RGS6: variants seen among roughly 807,000 people sequenced by gnomAD.
RGS6 encodes regulator of G protein signaling 6, also known as regulator of G-protein signaling 6.
RGS6 carries 30 observed loss-of-function variants against 78.5 expected under a neutral mutation model. That is an observed-to-expected ratio of 0.38 (90% confidence interval 0.29 to 0.52). The LOEUF (loss-of-function observed/expected upper bound fraction) is 0.52, where lower values mean the gene tolerates loss of function less well. Among genes scored for constraint, RGS6 ranks in the 20% least tolerant of loss-of-function variants. RGS6 has a pLI of 0.85. For synonymous variants in RGS6, 206 were observed against 206.0 expected, an observed-to-expected ratio of 1.00 and a Z score of 0.00; for missense variants, 495 against 609.7, an observed-to-expected ratio of 0.81 and a Z score of 1.98.
At chr14:72,606,766 T>C in the RGS6 span, among the ~76,000 whole-genome samples, 1,228 of 152,292 alleles carry the variant, frequency 8.1e-3, 13 homozygotes, top group Non-Finnish European at 0.014. Context: ...GGATCCCTCA[T>C]GAACAGCTTT....
chr14:72,026,904 G>T (rs920688945), intron 2 of RGS6, among the ~76,000 whole-genome samples: 1 of 152,176 alleles, frequency 6.6e-6, no homozygotes, highest in African/African-American at 2.4e-5. Flanking sequence ...GCTAGGGGGG[G>T]CTACTTTGGA....
chr14:71,974,073 G>T (rs893449899), intron 2 of RGS6, among the ~76,000 whole-genome samples: 1 of 152,060 alleles, frequency 6.6e-6, no homozygotes, highest in African/African-American at 2.4e-5. Context: ...TTCATTTCAA[G>T]GAGTCTAAGA....
intron 2 of RGS6, among the ~76,000 whole-genome samples, chr14:72,088,982 A>G (rs1834891386): frequency 6.6e-6 from 1 of 152,202 alleles, no homozygotes; most frequent in Non-Finnish European, 1.5e-5. Flanking sequence ...TGGCCACCCA[A>G]TCTAAAGTAG....
At chr14:72,498,380 T>G (rs2096672858) in intron 13 of RGS6, among the ~76,000 whole-genome samples, 1 of 152,218 alleles carries the variant, frequency 6.6e-6, no homozygotes, top group Non-Finnish European at 1.5e-5. Flanking sequence ...AGATCATTCT[T>G]TTTGTATGCC....
chr14:72,068,737 T>C (rs1261839246), intron 2 of RGS6, among the ~76,000 whole-genome samples: 1 of 151,860 alleles, frequency 6.6e-6, no homozygotes, highest in Non-Finnish European at 1.5e-5. Flanking sequence ...CCTGTTGATA[T>C]ATGTGCCTTG....
chr14:72,367,315 A>G (rs2082630692), intron 3 of RGS6, among the ~76,000 whole-genome samples: 1 of 152,206 alleles, frequency 6.6e-6, no homozygotes, highest in Non-Finnish European at 1.5e-5. Flanking sequence ...TCTCATATTT[A>G]TCTCCTACAG....
chr14:72,326,846 T>C (rs934893451), intron 2 of RGS6, among the ~76,000 whole-genome samples: 3 of 152,210 alleles, frequency 2.0e-5, no homozygotes, highest in African/African-American at 7.2e-5. Context: ...TCGCTGGGAC[T>C]ACAGGCGCCC....
intron 2 of RGS6, among the ~76,000 whole-genome samples, chr14:72,252,065 A>G (rs2055936992): frequency 6.6e-6 from 1 of 152,180 alleles, no homozygotes; most frequent in Non-Finnish European, 1.5e-5. Flanking sequence ...GTGTTAGACT[A>G]GTTTTTGTAC....
intron 2 of RGS6, among the ~76,000 whole-genome samples, chr14:72,041,990 G>A (rs182675675): frequency 2.5e-3 from 376 of 152,088 alleles, no homozygotes; most frequent in Non-Finnish European, 4.6e-3. Context: ...AATGTAAAAT[G>A]GTGCTAGAAT....
At chr14:72,488,240 CA>C (rs2096525487) in intron 12 of RGS6, among the ~76,000 whole-genome samples, 2 of 152,222 alleles carry the variant, frequency 1.3e-5, no homozygotes, top group East Asian at 3.8e-4. Context: ...TTCAGGTTGT[CA>C]GGACTTTCTG....
chr14:71,922,315 G>A, the RGS6 span, among the ~76,000 whole-genome samples: 1 of 152,116 alleles, frequency 6.6e-6, no homozygotes, highest in Non-Finnish European at 1.5e-5. Context: ...TCCTCTATCA[G>A]TGTAACCCAA....
chr14:72,540,971 C>T (rs763266074), intron 17 of RGS6: 10 of 1,251,068 alleles, frequency 8.0e-6, no homozygotes, highest in African/African-American at 1.5e-5. Flanking sequence ...GTTTGTAGAA[C>T]AACACAGGCC....
chr14:72,406,115 A>G (rs1597005153), intron 3 of RGS6, among the ~76,000 whole-genome samples: 1 of 152,228 alleles, frequency 6.6e-6, no homozygotes, highest in Admixed American at 6.5e-5. Context: ...GGCCAGGCAC[A>G]GTGGCTCATG....
intron 3 of RGS6, among the ~76,000 whole-genome samples, chr14:72,378,568 T>C (rs1015576945): frequency 6.6e-6 from 1 of 151,728 alleles, no homozygotes; most frequent in Non-Finnish European, 1.5e-5. Context: ...AATGAACAAC[T>C]CCATGCCAGT....
At chr14:72,267,251 A>G (rs2059216419) in intron 2 of RGS6, among the ~76,000 whole-genome samples, 5 of 152,190 alleles carry the variant, frequency 3.3e-5, no homozygotes, top group Non-Finnish European at 1.5e-5. Flanking sequence ...GCACCCAGCC[A>G]ATTTTTATAT....
intron 2 of RGS6, among the ~76,000 whole-genome samples, chr14:72,166,093 G>C (rs2096921476): frequency 2.8e-5 from 3 of 107,798 alleles, no homozygotes; most frequent in African/African-American, 9.5e-5. Flanking sequence ...CCATTTTTGA[G>C]ACACACACAC....
chr14:72,107,637 T>C (rs1036844638), intron 2 of RGS6, among the ~76,000 whole-genome samples: 1 of 152,200 alleles, frequency 6.6e-6, no homozygotes, highest in African/African-American at 2.4e-5. Context: ...TCTATACCTA[T>C]ACATAGATGT....
chr14:72,404,771 G>A (rs776745587), intron 3 of RGS6, among the ~76,000 whole-genome samples: 1 of 152,162 alleles, frequency 6.6e-6, no homozygotes, highest in Non-Finnish European at 1.5e-5. Context: ...GGTGGAATTC[G>A]AGTGCCTGAA....
chr14:72,319,232 G>A (rs1297647238), intron 2 of RGS6, among the ~76,000 whole-genome samples: 2 of 152,186 alleles, frequency 1.3e-5, no homozygotes, highest in Admixed American at 6.5e-5. Context: ...TGATCTTGAC[G>A]ACTTAAAGAA....
Sources: gnomAD v4.1 joint callset for allele counts (sites outside exome capture counted in the v4.1 genomes callset) on GRCh38, gnomAD v4.1.1 for gene constraint, MANE v1.5 for transcripts, NCBI Gene and HGNC (gene_info 2026-07-23, HGNC 2026-07-21) for gene names.